SCML4: variants seen among roughly 807,000 people sequenced by gnomAD.
SCML4 encodes sex comb on midleg-like protein 4.
A neutral mutation model predicts 41.1 loss-of-function variants in SCML4; 34 were observed. The observed-to-expected ratio is 0.83, with a 90% CI of 0.63 to 1.10. The LOEUF (loss-of-function observed/expected upper bound fraction) is 1.10. Among genes scored for constraint, SCML4 ranks in the 50% least tolerant of loss-of-function variants. The probability of loss-of-function intolerance (pLI) is 0.00; values close to 1 mark genes in which losing one functional copy is unlikely to be tolerated. For missense variants in SCML4, 522 were observed against 534.1 expected, an observed-to-expected ratio of 0.98 and a Z score of 0.22; for synonymous variants, 214 against 220.9, an observed-to-expected ratio of 0.97 and a Z score of 0.28.
intron 1 of SCML4, among the ~76,000 whole-genome samples, chr6:107,775,386 G>A (rs1336093782): frequency 5.3e-5 from 8 of 152,314 alleles, no homozygotes; most frequent in Middle Eastern, 3.4e-3. Context: ...ATCCACCATG[G>A]AGCTTGAACA....
At chr6:107,840,879 C>T in the SCML4 span, among the ~76,000 whole-genome samples, 1 of 152,112 alleles carries the variant, frequency 6.6e-6, no homozygotes, top group Non-Finnish European at 1.5e-5. Context: ...CCTCATCTAC[C>T]ATGCATAGCA....
At chr6:107,725,722 A>G (rs1775889936) in intron 5 of SCML4, among the ~76,000 whole-genome samples, 1 of 152,246 alleles carries the variant, frequency 6.6e-6, no homozygotes, top group Non-Finnish European at 1.5e-5. Context: ...ATATTCTTAG[A>G]TTTGACACCA....
the SCML4 span, among the ~76,000 whole-genome samples, chr6:107,839,603 G>A: frequency 6.6e-6 from 1 of 152,006 alleles, no homozygotes; most frequent in Non-Finnish European, 1.5e-5. Flanking sequence ...GATAAAGCTA[G>A]ACACATACAC....
chr6:107,814,798 C>T (rs1043991962), intron 1 of SCML4, among the ~76,000 whole-genome samples: 5 of 152,190 alleles, frequency 3.3e-5, no homozygotes, highest in South Asian at 2.1e-4. Flanking sequence ...AGTGATCCAC[C>T]GCCTTCGGCC....
At chr6:107,735,574 G>A (rs1322952668) in intron 5 of SCML4, among the ~76,000 whole-genome samples, 1 of 152,036 alleles carries the variant, frequency 6.6e-6, no homozygotes, top group African/African-American at 2.4e-5. Context: ...TGAGGCAGGT[G>A]AATTACTTGA....
chr6:107,842,480 C>T, the SCML4 span, among the ~76,000 whole-genome samples: 5 of 152,312 alleles, frequency 3.3e-5, no homozygotes, highest in Middle Eastern at 3.4e-3. Context: ...TCACTACAAC[C>T]TCCACCTACC....
chr6:107,798,317 G>C (rs912256024), intron 1 of SCML4, among the ~76,000 whole-genome samples: 2 of 151,616 alleles, frequency 1.3e-5, no homozygotes, highest in Admixed American at 1.3e-4. Flanking sequence ...AGGCTTTTCT[G>C]GTTTTCTATT....
chr6:107,716,974 T>G (rs938482413), intron 6 of SCML4, among the ~76,000 whole-genome samples: 1 of 151,810 alleles, frequency 6.6e-6, no homozygotes, highest in Non-Finnish European at 1.5e-5. Flanking sequence ...ACCTGCGGTT[T>G]TATTTAGCAC....
chr6:107,839,383 AAGAAAG>A, the SCML4 span, among the ~76,000 whole-genome samples: 1 of 147,882 alleles, frequency 6.8e-6, no homozygotes, highest in Non-Finnish European at 1.5e-5. Context: ...GAAAGAAAGA[AAGAAAG>A]AAAGAAAGAA....
intron 6 of SCML4, chr6:107,720,348 G>A (rs575231881): frequency 1.0e-6 from 1 of 993,370 alleles, no homozygotes; most frequent in Non-Finnish European, 1.2e-6. Flanking sequence ...GAGGGTGGCA[G>A]AGCCACAAAA....
At chr6:107,788,261 A>G (rs1782051573) in intron 1 of SCML4, among the ~76,000 whole-genome samples, 2 of 152,014 alleles carry the variant, frequency 1.3e-5, no homozygotes, top group Non-Finnish European at 2.9e-5. Flanking sequence ...TAGCAGAGTG[A>G]CTCTTGGGTA....
At chr6:107,804,067 GA>G (rs55853946) in intron 1 of SCML4, among the ~76,000 whole-genome samples, 84,373 of 127,170 alleles carry the variant, frequency 0.66, 26,539 homozygotes, top group East Asian at 0.76. Context: ...AAAAGAAAAA[GA>G]AAAAAAAAAA....
In SCML4 at chr6:107,715,653, T is replaced by C. The variant is rs931102980; in HGVS notation, c.973+5050A>G. 1.2e-4 allele frequency among the ~76,000 whole-genome samples: 18 copies of C among 152,080 alleles called. 1 individual carries two copies. The highest frequency in any genetic ancestry group is 2.2e-4 in the Non-Finnish European group (15 of 68,010). ...AGAGCATCAGCAGACACCAGGAAAA[T>C]GTGCCCTGTGAACACATCCCCTTGG... On this transcript the variant is annotated intron_variant, in intron 6 of 7. Transcript: ENST00000369020.
intron 1 of SCML4, among the ~76,000 whole-genome samples, chr6:107,808,051 T>G (rs1338075082): frequency 6.6e-6 from 1 of 152,056 alleles, no homozygotes; most frequent in Admixed American, 6.5e-5. Flanking sequence ...AGGAATTGAG[T>G]TGACTTTTGC....
the SCML4 span, among the ~76,000 whole-genome samples, chr6:107,840,535 G>T: frequency 6.6e-6 from 1 of 152,160 alleles, no homozygotes. Flanking sequence ...ACTGTTCTAG[G>T]CTTAGTGTAT....
chr6:107,790,342 A>G (rs1782225182), intron 1 of SCML4, among the ~76,000 whole-genome samples: 1 of 152,186 alleles, frequency 6.6e-6, no homozygotes, highest in Non-Finnish European at 1.5e-5. Flanking sequence ...TGACTCATAG[A>G]AAGAAAGGGG....
In SCML4 at chr6:107,746,776, C is replaced by T. The variant is rs774252439; in HGVS notation, c.400G>A (p.Ala134Thr). 3.1e-6 allele frequency: 5 copies of T among 1,613,818 alleles called. No homozygotes were observed. The highest frequency in any genetic ancestry group is 2.2e-5 in the East Asian group (1 of 44,898). ...GCGCAGTCGATGCAGGCTTGGACGGCCTGCTGCAGCACCGCCGATGGCCGC... is the reference window on the plus strand; with the variant it reads ...GCGCAGTCGATGCAGGCTTGGACGGTCTGCTGCAGCACCGCCGATGGCCGC... Reference protein sequence around the residue: ...PERPSAVLQQAVQACIDCAHQ... With the variant: ...PERPSAVLQQTVQACIDCAHQ... The change falls in exon 4 of 8, where the codon GCC becomes ACC. Residue 134 changes from alanine to threonine, a missense_variant. Physicochemically the swap from Ala to Thr is moderately conservative, Grantham distance 58. Transcript: ENST00000369020.
At chr6:107,760,803 C>T (rs1779520575) in intron 2 of SCML4, among the ~76,000 whole-genome samples, 1 of 151,980 alleles carries the variant, frequency 6.6e-6, no homozygotes, top group African/African-American at 2.4e-5. Flanking sequence ...AATTATCGAA[C>T]TTAGATTATA....
the SCML4 span, among the ~76,000 whole-genome samples, chr6:107,844,264 C>T: frequency 6.6e-6 from 1 of 152,104 alleles, no homozygotes; most frequent in Non-Finnish European, 1.5e-5. Context: ...AGGGAGAGTG[C>T]CAAGGACGGA....
Sources: allele counts gnomAD v4.1 joint callset (sites outside exome capture counted in the v4.1 genomes callset), GRCh38; gene constraint gnomAD v4.1.1; transcripts MANE v1.5; gene names NCBI Gene and HGNC (gene_info 2026-07-23, HGNC 2026-07-21).